Variants in SGCD observed in about 807,000 individuals in gnomAD.
The protein encoded by SGCD is delta-sarcoglycan.
SGCD carries 18 observed loss-of-function variants against 36.6 expected under a neutral mutation model. The observed-to-expected ratio is 0.49, with a 90% CI of 0.34 to 0.73. The LOEUF (loss-of-function observed/expected upper bound fraction) is 0.73. SGCD is among the 30% of genes least tolerant of loss of function. The pLI is 0.01. For synonymous variants in SGCD, 133 were observed against 130.6 expected, an observed-to-expected ratio of 1.02 and a Z score of -0.12; for missense variants, 387 against 346.7, an observed-to-expected ratio of 1.12 and a Z score of -0.92.
At chr5:156,405,649 G>A (rs1342966889) in intron 3 of SGCD, among the ~76,000 whole-genome samples, 1 of 152,174 alleles carries the variant, frequency 6.6e-6, no homozygotes. Flanking sequence ...CAAGGGTTTT[G>A]AGGTGTTTTC....
At chr5:156,609,493 C>T (rs1761669546) in intron 6 of SGCD, among the ~76,000 whole-genome samples, 1 of 152,146 alleles carries the variant, frequency 6.6e-6, no homozygotes. Flanking sequence ...TCCTTCATTT[C>T]CACTTTGGTG....
intron 3 of SGCD, among the ~76,000 whole-genome samples, chr5:156,473,924 C>T (rs1035285192): frequency 2.0e-5 from 3 of 151,162 alleles, no homozygotes; most frequent in Admixed American, 1.3e-4. Flanking sequence ...AATTTTAATA[C>T]CTTTGATACC....
intron 3 of SGCD, among the ~76,000 whole-genome samples, chr5:156,368,788 C>T (rs1770239687): frequency 6.6e-6 from 1 of 152,224 alleles, no homozygotes; most frequent in African/African-American, 2.4e-5. Flanking sequence ...CTGTCACTGT[C>T]TCTCATCACC....
intron 3 of SGCD, among the ~76,000 whole-genome samples, chr5:156,221,401 A>G (rs929698710): frequency 2.0e-5 from 3 of 152,174 alleles, no homozygotes; most frequent in African/African-American, 4.8e-5. Flanking sequence ...AGTTAACAAC[A>G]TGAACTTTAA....
intron 7 of SGCD, among the ~76,000 whole-genome samples, chr5:156,705,845 T>A (rs1754718896): frequency 6.6e-6 from 1 of 152,178 alleles, no homozygotes. Flanking sequence ...TATTTGACTT[T>A]GTGTCTTGGC....
chr5:156,696,707 G>T (rs557637916), intron 7 of SGCD, among the ~76,000 whole-genome samples: 1 of 152,052 alleles, frequency 6.6e-6, no homozygotes, highest in East Asian at 1.9e-4. Flanking sequence ...ATGGGGTTTT[G>T]CCATGTTGAC....
At chr5:155,730,101 G>A in the SGCD span, among the ~76,000 whole-genome samples, 6 of 152,172 alleles carry the variant, frequency 3.9e-5, no homozygotes, top group Admixed American at 6.5e-5. Flanking sequence ...GTGGAGACAA[G>A]TCGAGTTTAA....
chr5:156,125,842 A>T (rs1488994301), intron 3 of SGCD, among the ~76,000 whole-genome samples: 19 of 21,410 alleles, frequency 8.9e-4, no homozygotes, highest in African/African-American at 2.7e-3. Context: ...TCATTCTTTT[A>T]TTATTATTAT....
intron 1 of SGCD, among the ~76,000 whole-genome samples, chr5:155,893,507 A>G (rs925504855): frequency 6.6e-6 from 1 of 152,332 alleles, no homozygotes; most frequent in East Asian, 1.9e-4. Context: ...GTTGAATTAT[A>G]TAAATGGTTG....
intron 4 of SGCD, among the ~76,000 whole-genome samples, chr5:156,564,140 A>C (rs915231073): frequency 2.0e-5 from 3 of 152,236 alleles, no homozygotes; most frequent in African/African-American, 7.2e-5. Context: ...CAAGATCACC[A>C]TAAATTTCTT....
intron 5 of SGCD, among the ~76,000 whole-genome samples, chr5:156,594,167 TA>T (rs1760833174): frequency 6.6e-6 from 1 of 152,168 alleles, no homozygotes; most frequent in South Asian, 2.1e-4. Flanking sequence ...CCATGGTACC[TA>T]AATCTTTCTG....
chr5:156,531,472 C>T (rs143680732), intron 4 of SGCD, among the ~76,000 whole-genome samples: 1 of 152,070 alleles, frequency 6.6e-6, no homozygotes, highest in African/African-American at 2.4e-5. Flanking sequence ...GATGACTAAC[C>T]CCAATGCAAT....
intron 3 of SGCD, among the ~76,000 whole-genome samples, chr5:156,305,248 A>T (rs1767173099): frequency 6.6e-6 from 1 of 152,054 alleles, no homozygotes; most frequent in Non-Finnish European, 1.5e-5. Flanking sequence ...TAGGAGGAAA[A>T]AGTAGTTTCA....
chr5:156,636,693 G>C (rs1322346533), intron 6 of SGCD, among the ~76,000 whole-genome samples: 1 of 152,118 alleles, frequency 6.6e-6, no homozygotes, highest in Non-Finnish European at 1.5e-5. Context: ...CAAGGACATG[G>C]GAAAACCCAG....
At chr5:156,382,228 A>T (rs758806111) in intron 3 of SGCD, among the ~76,000 whole-genome samples, 5 of 152,078 alleles carry the variant, frequency 3.3e-5, no homozygotes, top group South Asian at 2.1e-4. Flanking sequence ...TGCCTCTTAG[A>T]TGGTCACCTG....
At chr5:156,298,417 T>A (rs1317304538) in intron 3 of SGCD, among the ~76,000 whole-genome samples, 2 of 152,126 alleles carry the variant, frequency 1.3e-5, no homozygotes, top group Non-Finnish European at 2.9e-5. Context: ...CATATCCATA[T>A]CCTTACCAGC....
chr5:156,188,180 C>A (rs1173317983), intron 3 of SGCD, among the ~76,000 whole-genome samples: 1 of 152,122 alleles, frequency 6.6e-6, no homozygotes, highest in African/African-American at 2.4e-5. Flanking sequence ...TTCTTTTACT[C>A]ATTAGACATA....
intron 3 of SGCD, among the ~76,000 whole-genome samples, chr5:156,236,264 A>G (rs1347091410): frequency 6.6e-6 from 1 of 152,134 alleles, no homozygotes; most frequent in Admixed American, 6.5e-5. Flanking sequence ...ACTCAAGACA[A>G]ACCTCATTTA....
chr5:155,793,698 C>T, the SGCD span, among the ~76,000 whole-genome samples: 2 of 151,634 alleles, frequency 1.3e-5, no homozygotes, highest in Admixed American at 6.6e-5. Flanking sequence ...TGCACCACCA[C>T]GTCTGGCTAA....
Sources: allele counts gnomAD v4.1 joint callset (sites outside exome capture counted in the v4.1 genomes callset), GRCh38; gene constraint gnomAD v4.1.1; transcripts MANE v1.5; gene names NCBI Gene and HGNC (gene_info 2026-07-23, HGNC 2026-07-21).